ARHGEF28: variants seen among roughly 807,000 people sequenced by gnomAD.
ARHGEF28 encodes the protein 190 kDa guanine nucleotide exchange factor.
In ARHGEF28, 152 loss-of-function variants were observed where a neutral mutation model predicts 206.6. The observed-to-expected ratio is 0.74, with a 90% CI of 0.64 to 0.84. The LOEUF is 0.84. Among genes scored for constraint, ARHGEF28 ranks in the 40% least tolerant of loss-of-function variants. The pLI is 0.00. For synonymous variants in ARHGEF28, 763 were observed against 776.4 expected (o/e 0.98, Z 0.29); for missense variants, 2,028 against 2,073.2 (o/e 0.98, Z 0.42).
Position 73,909,596 on chromosome 5 carries a change from A to G in ARHGEF28, c.4346A>G (p.Gln1449Arg), listed in dbSNP as rs1233516446. Residue 1449 changes from glutamine to arginine, a missense_variant, in exon 34 of 36, where the codon CAG becomes CGG. This residue lies in a region of ARHGEF28 where 803 missense variants were observed against 768.0 expected (regional missense o/e 1.05). Transcript: ENST00000513042. ...NVHQLQHQLQ[Q>R]EQRRWLRRCE... The stretch of plus-strand genomic sequence containing the variant: ...CACCAGCTTCAGCACCAGCTCCAGC[A>G]GGAGCAGCGGCGCTGGCTGCGCAGG... 10 of 1,556,952 alleles carry G rather than the reference A, an allele frequency of 6.4e-6. No individual in the cohort carries two copies. Among genetic ancestry groups the G allele is most frequent in the Admixed American group, 3.9e-5 (2 of 51,496 alleles).
In ARHGEF28 at chr5:73,832,440, A is replaced by C; in HGVS notation, c.1127A>C (p.Asn376Thr). ...AATGGAGGTGATGAAGTCTACGCTA[A>C]CTGTATGGTGATTGATCAGGTAAGG... ...MLNGGDEVYA[N>T]CMVIDQVGDL... The change falls in exon 10 of 36, where the codon AAC becomes ACC. Residue 376 changes from asparagine to threonine, a missense_variant. This residue lies in a region of ARHGEF28 where 1,002 missense variants were observed against 1,015.3 expected (regional missense o/e 0.99). Coordinates refer to ENST00000513042, the MANE Select transcript of ARHGEF28 (RefSeq NM_001177693.2). 6.2e-7 allele frequency: 1 copy of C among 1,612,612 alleles called. No individual in the cohort carries two copies. Among genetic ancestry groups the C allele is most frequent in the Non-Finnish European group, 8.5e-7 (1 of 1,179,384 alleles).
intron 35 of ARHGEF28, among the ~76,000 whole-genome samples, chr5:73,933,979 G>C (rs1483648783): frequency 6.7e-6 from 1 of 148,644 alleles, no homozygotes; most frequent in Non-Finnish European, 1.5e-5. Flanking sequence ...TTCATATATT[G>C]CATTTGGTTG....
chr5:73,884,962 A>G (rs1439663629), intron 24 of ARHGEF28, among the ~76,000 whole-genome samples: 2 of 152,188 alleles, frequency 1.3e-5, no homozygotes, highest in Non-Finnish European at 2.9e-5. Context: ...TTTTCCCATC[A>G]GAAGAAGAAA....
In ARHGEF28 at chr5:73,926,025, T is replaced by TA. The variant is rs779581990; in HGVS notation, c.4948+14451dup. Reference sequence around the variant, plus strand: ...TTCAAGAAACTGTGCAACAGCTTTATACTGTGAAATAGTGATTGTCCTGAC... The same window carrying TA: ...TTCAAGAAACTGTGCAACAGCTTTATAACTGTGAAATAGTGATTGTCCTGAC... On this transcript the variant is annotated intron_variant, in intron 35 of 35. Coordinates refer to ENST00000513042, the MANE Select transcript of ARHGEF28 (RefSeq NM_001177693.2). Among the ~76,000 whole-genome samples, 27 of 152,340 alleles carry TA rather than the reference T, an allele frequency of 1.8e-4. No individual in the cohort carries two copies. The Middle Eastern group carries it at 0.014, about 77-fold the overall frequency.
chr5:73,691,539 T>G (rs1170938405), intron 2 of ARHGEF28, among the ~76,000 whole-genome samples: 1 of 152,108 alleles, frequency 6.6e-6, no homozygotes, highest in African/African-American at 2.4e-5. Context: ...AATCAGACAC[T>G]CTGTGGATGG....
At chr5:73,893,949 A>G (rs1244512112) in intron 28 of ARHGEF28, among the ~76,000 whole-genome samples, 5 of 152,238 alleles carry the variant, frequency 3.3e-5, no homozygotes, top group African/African-American at 1.2e-4. Flanking sequence ...AAGATGGGCA[A>G]AGAAATTGGA....
chr5:73,724,053 C>T (rs1750133239), intron 2 of ARHGEF28, among the ~76,000 whole-genome samples: 2 of 152,166 alleles, frequency 1.3e-5, no homozygotes, highest in African/African-American at 4.8e-5. Flanking sequence ...CGGGGGCATC[C>T]CAGGCAGGCC....
chr5:73,689,880 A>G (rs2112261027), intron 2 of ARHGEF28, among the ~76,000 whole-genome samples: 1 of 152,234 alleles, frequency 6.6e-6, no homozygotes, highest in South Asian at 2.1e-4. Context: ...TTTAAGCTGG[A>G]AAGAATTGTG....
chr5:73,678,745 GA>G (rs1238905180), intron 1 of ARHGEF28, among the ~76,000 whole-genome samples: 3 of 151,876 alleles, frequency 2.0e-5, no homozygotes, highest in Non-Finnish European at 2.9e-5. Context: ...GACAACTAGG[GA>G]AAAAGGCTCA....
At chr5:73,842,310 CA>C (rs1395932346) in intron 11 of ARHGEF28, among the ~76,000 whole-genome samples, 1 of 152,126 alleles carries the variant, frequency 6.6e-6, no homozygotes, top group Non-Finnish European at 1.5e-5. Context: ...AATGAACATG[CA>C]CATAGGTGAA....
chr5:73,843,647 C>G (rs1758124702), intron 11 of ARHGEF28, among the ~76,000 whole-genome samples: 1 of 152,012 alleles, frequency 6.6e-6, no homozygotes, highest in South Asian at 2.1e-4. Flanking sequence ...GGACCTGAGT[C>G]CTAAGTTTTC....
At chr5:73,787,570 C>T (rs372754128) in intron 7 of ARHGEF28, among the ~76,000 whole-genome samples, 2 of 152,084 alleles carry the variant, frequency 1.3e-5, no homozygotes, top group African/African-American at 2.4e-5. Flanking sequence ...TGGTGTGTAA[C>T]GTTCCCCTCC....
intron 7 of ARHGEF28, among the ~76,000 whole-genome samples, chr5:73,783,345 A>AGTGTGTGTGTGTGTGT (rs57320048): frequency 3.1e-4 from 45 of 145,812 alleles, no homozygotes; most frequent in Non-Finnish European, 4.4e-4. Context: ...CCTGGAATAT[A>AGTGTGTGTGTGTGTGT]GTGTGTGTGT....
At chr5:73,841,626 A>G (rs1039963497) in intron 11 of ARHGEF28, among the ~76,000 whole-genome samples, 1 of 151,544 alleles carries the variant, frequency 6.6e-6, no homozygotes, top group Non-Finnish European at 1.5e-5. Flanking sequence ...GATCGCTTGA[A>G]CCTGGGAGGC....
At chr5:73,631,298 C>A (rs1265681010) in intron 1 of ARHGEF28, among the ~76,000 whole-genome samples, 2 of 152,112 alleles carry the variant, frequency 1.3e-5, no homozygotes, top group Non-Finnish European at 2.9e-5. Context: ...CCCACTAAGA[C>A]CCTGATTTAC....
rs555552583 is a variant in ARHGEF28, at chr5:73,767,994, G to T, written c.476-5861G>T. ...CTGAAAGGAACCAACACAGAACTCG[G>T]GCCATGGCTTCTGAGGCTGCAAACC... is the stretch of plus-strand genomic sequence containing the variant. On this transcript the variant is annotated intron_variant, in intron 4 of 35. Coordinates refer to ENST00000513042, the MANE Select transcript of ARHGEF28 (RefSeq NM_001177693.2). Among the ~76,000 whole-genome samples the T allele has an allele frequency of 2.0e-5, 3 of 152,230 alleles. No individual in the cohort carries two copies. In the South Asian group the frequency reaches 6.2e-4, roughly 32 times the overall value.
chr5:73,666,147 A>G lies in ARHGEF28; in HGVS notation c.-11-18694A>G, dbSNP rs531373027. 2.0e-5 allele frequency among the ~76,000 whole-genome samples: 3 copies of G among 152,340 alleles called. No individual in the cohort carries two copies. The South Asian group carries it at 6.2e-4, about 32-fold the overall frequency. On this transcript the variant is annotated intron_variant, in intron 1 of 35. Transcript: ENST00000513042. ...AGAGGGAAAAGAAGGCAAGAAAAAA[A>G]GGGGTACCTGCTCCTGAGTAAGTCT...
intron 26 of ARHGEF28, among the ~76,000 whole-genome samples, chr5:73,891,679 C>T (rs997226884): frequency 6.6e-6 from 1 of 152,016 alleles, no homozygotes; most frequent in Non-Finnish European, 1.5e-5. Flanking sequence ...CGCACACCAG[C>T]ACATCTGGCT....
At position 73,776,554 on chromosome 5, in the gene ARHGEF28, A is replaced by G. The variant is rs1203233462; in HGVS notation, c.698A>G (p.Gln233Arg). The G allele has an allele frequency of 6.2e-7, 1 of 1,613,724 alleles. No individual in the cohort carries two copies. Among genetic ancestry groups the G allele is most frequent in the Admixed American group, 1.7e-5 (1 of 60,016 alleles). The part of the protein sequence containing the change: ...GRWSPSFSRV[Q>R]LSEEASLHYI... ...TGGTCCCCAAGCTTCTCCCGAGTGC[A>G]GCTCAGTGAAGAAGCCTCCTTGCAT... The change falls in exon 6 of 36, where the codon CAG becomes CGG. Residue 233 changes from glutamine to arginine, a missense_variant. Physicochemically the swap from Gln to Arg is conservative, Grantham distance 43. This residue lies in a region of ARHGEF28 where 1,002 missense variants were observed against 1,015.3 expected (regional missense o/e 0.99). Transcript: ENST00000513042.
Sources: allele counts gnomAD v4.1 joint callset (sites outside exome capture counted in the v4.1 genomes callset), GRCh38; gene constraint gnomAD v4.1.1; regional missense constraint gnomAD v4.1.1; transcripts MANE v1.5; gene names NCBI Gene and HGNC (gene_info 2026-07-23, HGNC 2026-07-21).